The following BCAP31 variants were observed in gnomAD, a reference collection of about 807,000 sequenced individuals.
BCAP31 encodes B cell receptor associated protein 31.
For synonymous variants in BCAP31, 75 were observed against 80.9 expected (o/e 0.93, Z 0.39); for missense variants, 124 against 193.0 (o/e 0.64, Z 2.12).
chrX:153,702,818 G>A, intron 6 of BCAP31, 117 bp downstream of exon 6: 2 of 1,036,869 alleles, frequency 1.9e-6, no homozygotes, highest in Admixed American at 5.3e-5. Context: ...TTTTCAGCCA[G>A]CCCTCGAGCG....
chrX:153,707,168 C>T (rs1557048435), intron 4 of BCAP31, among the ~76,000 whole-genome samples: 1 of 111,188 alleles, frequency 9.0e-6, no homozygotes, highest in Admixed American at 9.5e-5. Context: ...ATCAGAGGGA[C>T]GCCTTCTGGG....
intron 4 of BCAP31, among the ~76,000 whole-genome samples, chrX:153,713,457 C>T (rs186544716): frequency 3.3e-4 from 37 of 112,287 alleles, no homozygotes; most frequent in African/African-American, 1.2e-3. Flanking sequence ...ACCAATGATC[C>T]CGCTCTTCTT....
At chrX:153,718,984 T>C (rs1177944562) in intron 3 of BCAP31, among the ~76,000 whole-genome samples, 1 of 111,988 alleles carries the variant, frequency 8.9e-6, no homozygotes, top group Non-Finnish European at 1.9e-5. Flanking sequence ...ACACTTCTGT[T>C]TGAAGAAGGC....
intron 4 of BCAP31, among the ~76,000 whole-genome samples, chrX:153,710,295 G>C (rs59866766): frequency 0.018 from 2,050 of 111,625 alleles, 52 homozygotes; most frequent in African/African-American, 0.063. Context: ...ATACGGGATG[G>C]TGGTGGCCCC....
chrX:153,705,237 G>C (rs1426053020), intron 4 of BCAP31: 1 of 113,342 alleles, frequency 8.8e-6, no homozygotes, highest in African/African-American at 3.2e-5. Flanking sequence ...GGGCAGCCCG[G>C]AAGGGCTGGA....
rs781868961 is a variant in BCAP31, at chrX:153,703,306, G to GCCCTGGC, written c.478-255_478-249dup. 1.1e-3 allele frequency among the ~76,000 whole-genome samples: 130 copies of GCCCTGGC among 113,288 alleles called. 1 individual carries two copies. The South Asian group carries it at 0.018, about 16-fold the overall frequency. On this transcript the variant is annotated intron_variant, in intron 5 of 7. Transcript: ENST00000345046. ...GCAGCTCGCCGGGCACGCCTTGCCT[G>GCCCTGGC]CCCTGGCCCCTGGCCCCTGGCCCCT...
chrX:153,710,056 G>T (rs1406582296), intron 4 of BCAP31, among the ~76,000 whole-genome samples: 3 of 112,538 alleles, frequency 2.7e-5, no homozygotes, highest in Non-Finnish European at 3.8e-5. Flanking sequence ...GCTGGAGGGG[G>T]TGTTCCGCAC....
In BCAP31 at chrX:153,720,026, G is replaced by A. The variant is rs1557050711; in HGVS notation, c.193+846C>T. 3.6e-5 allele frequency among the ~76,000 whole-genome samples: 4 copies of A among 111,668 alleles called. No homozygotes were observed. In the Admixed American group the frequency reaches 3.8e-4, roughly 11 times the overall value. On this transcript the variant is annotated intron_variant, in intron 3 of 7. Transcript: ENST00000345046. Reference sequence around the variant, plus strand: ...CTAGCCCAGATGCAGAGAGGTCTAGGATCTCTCCCCAAGATATGCTGCCAC... The same window carrying A: ...CTAGCCCAGATGCAGAGAGGTCTAGAATCTCTCCCCAAGATATGCTGCCAC...
chrX:153,717,936 T>C (rs1042929608), intron 3 of BCAP31, among the ~76,000 whole-genome samples: 1 of 112,384 alleles, frequency 8.9e-6, no homozygotes, highest in East Asian at 2.8e-4. Context: ...AAATTTGCAA[T>C]GATTCGAAGA....
rs781796928 is a variant in BCAP31 at position 153,702,123 on chromosome X, A to G, written c.602-16T>C. On this transcript the variant is annotated splice_polypyrimidine_tract_variant and intron_variant, in intron 6 of 7. Coordinates refer to ENST00000345046, the MANE Select transcript of BCAP31 (RefSeq NM_001256447.2). Reference sequence around the variant, plus strand: ...TTCTCTAGTTCTTGAAATGATGTAAATGACCAAGAAAACAGAAACGAAAAG... The same window carrying G: ...TTCTCTAGTTCTTGAAATGATGTAAGTGACCAAGAAAACAGAAACGAAAAG... 2.0e-5 allele frequency: 24 copies of G among 1,179,397 alleles called. No individual in the cohort carries two copies. Among genetic ancestry groups the G allele is most frequent in the Non-Finnish European group, 2.8e-5 (24 of 869,786 alleles).
Position 153,702,875 on chromosome X carries a change from G to A in BCAP31, c.601+60C>T. 5 of 1,187,433 alleles carry A rather than the reference G, an allele frequency of 4.2e-6. No individual in the cohort carries two copies. The South Asian group carries it at 9.1e-5, about 22-fold the overall frequency. ...ATACTTTGGCACAAAATGGGCAGCA[G>A]CGGGCAGAGGAGGCTCCTCTGGACT... On this transcript the variant is annotated intron_variant, in intron 6 of 7. Coordinates refer to ENST00000345046, the MANE Select transcript of BCAP31 (RefSeq NM_001256447.2).
At position 153,715,479 on chromosome X, in the gene BCAP31, T is replaced by C. The variant is rs141962085; in HGVS notation, c.341+63A>G. The C allele has an allele frequency of 1.5e-3, 1,737 of 1,175,213 alleles. 20 individuals carry two copies. In the African/African-American group the frequency reaches 0.028, roughly 19 times the overall value. On this transcript the variant is annotated intron_variant, in intron 4 of 7. Coordinates refer to ENST00000345046, the MANE Select transcript of BCAP31 (RefSeq NM_001256447.2). ...AGGGGGGAGACTGAGCCCACTGAGC[T>C]CGGTGTCCATGGCTAGCCCATGGCT...
chrX:153,702,223 T>G, intron 6 of BCAP31, 116 bp from the exon 7 acceptor site: 1 of 563,167 alleles, frequency 1.8e-6, no homozygotes, highest in Non-Finnish European at 2.8e-6. Context: ...AACGAGGTTA[T>G]ACAGGAGGCT....
intron 3 of BCAP31, among the ~76,000 whole-genome samples, chrX:153,719,641 G>A (rs1200968218): frequency 4.5e-5 from 5 of 111,331 alleles, no homozygotes; most frequent in Admixed American, 1.9e-4. Flanking sequence ...GCTGGGACTC[G>A]GTGGGAGGAG....
At chrX:153,701,151 C>T (rs2091515700) in intron 7 of BCAP31, among the ~76,000 whole-genome samples, 176 bp from the exon 8 acceptor site, 1 of 112,127 alleles carries the variant, frequency 8.9e-6, no homozygotes, top group Non-Finnish European at 1.9e-5. Flanking sequence ...AGGGTGGGAG[C>T]GTCAGCCCTG....
intron 1 of BCAP31, chrX:153,724,097 C>G: frequency 3.4e-6 from 1 of 298,429 alleles, no homozygotes; most frequent in Non-Finnish European, 6.4e-6. Context: ...TCCCGGAGGC[C>G]CATCCCGGCC....
At chrX:153,714,594 G>A (rs1422716611) in intron 4 of BCAP31, among the ~76,000 whole-genome samples, 1 of 111,063 alleles carries the variant, frequency 9.0e-6, no homozygotes, top group Admixed American at 9.6e-5. Context: ...GTAGCGCCTA[G>A]TAAAGCAGGA....
At position 153,702,919 on chromosome X, in the gene BCAP31, C is replaced by T. The variant is rs782336502; in HGVS notation, c.601+16G>A. Reference sequence around the variant, plus strand: ...CTGGACTTCCCTGCGGGGAAGGACACGAGGTCGAGCCTCACTTTGCTTAGT... The same window carrying T: ...CTGGACTTCCCTGCGGGGAAGGACATGAGGTCGAGCCTCACTTTGCTTAGT... On this transcript the variant is annotated intron_variant, in intron 6 of 7. Coordinates refer to ENST00000345046, the MANE Select transcript of BCAP31 (RefSeq NM_001256447.2). 5.8e-6 allele frequency: 7 copies of T among 1,206,813 alleles called. No individual in the cohort carries two copies. Among genetic ancestry groups the T allele is most frequent in the African/African-American group, 3.5e-5 (2 of 57,414 alleles).
intron 4 of BCAP31, among the ~76,000 whole-genome samples, chrX:153,714,813 AG>A (rs1385836083): frequency 9.0e-6 from 1 of 110,912 alleles, no homozygotes; most frequent in African/African-American, 3.3e-5. Context: ...TTAAGTGATG[AG>A]AGCTCCACCC....
Sources: gnomAD v4.1 joint callset for allele counts (sites outside exome capture counted in the v4.1 genomes callset) on GRCh38, gnomAD v4.1.1 for gene constraint, MANE v1.5 for transcripts, NCBI Gene and HGNC (gene_info 2026-07-23, HGNC 2026-07-21) for gene names.